LRRC4B: variants seen among roughly 807,000 people sequenced by gnomAD.
LRRC4B encodes leucine-rich repeat-containing protein 4B.
Under a neutral mutation model 7.3 loss-of-function variants are expected in LRRC4B, and 1 was observed. That is an observed-to-expected ratio of 0.14 (90% CI 0.05 to 0.65). The LOEUF is 0.65. Ranked by LOEUF, LRRC4B falls within the 30% of genes least tolerant of loss-of-function variation. The pLI is 0.84. For synonymous variants in LRRC4B, 500 were observed against 499.2 expected (o/e 1.00, Z -0.02); for missense variants, 730 against 1,041.6 (o/e 0.70, Z 4.12).
Position 50,517,646 on chromosome 19 carries a change from A to G in LRRC4B, c.2067T>C (p.Pro689=), listed in dbSNP as rs61751956. 0.35 allele frequency: 531,491 copies of G among 1,500,178 alleles called. 97,361 individuals are homozygous for G. The highest frequency in any genetic ancestry group is 0.38 in the Non-Finnish European group (428,964 of 1,128,124). The allele number at this position is 1,500,178 out of a possible 1,614,324, so 92.9% of individuals were successfully genotyped here. The change falls in exon 3 of 3, where the codon CCT becomes CCC. Residue 689 remains proline, a synonymous_variant. Transcript: ENST00000652263. This position sits in a 1 kb window ranked among gnomAD's most constrained non-coding sequence, Gnocchi z 6.6. ...GAGGTTCGTGGATGGAGTTGAGGCC[A>G]GGCGGGCCTTTGCCCCCGCAGCCCC... ...SGGGCGGKGP[P]GLNSIHEPLL...
At position 50,555,717 on chromosome 19, in the gene LRRC4B, C is replaced by G. The variant is rs978943987; in HGVS notation, c.-35-6844G>C. On this transcript the variant is annotated intron_variant, in intron 1 of 2. Transcript: ENST00000652263. The surrounding 1 kb of genome is among the most constrained non-coding windows in gnomAD (Gnocchi z 5.2). ...CGGAAACTCGGGGACCCAGGAGAGG[C>G]GGGGTGAGGAGAAATGGGAGGCAGG... is the stretch of plus-strand genomic sequence containing the variant. 1 of 150,332 alleles carries G rather than the reference C, an allele frequency of 6.7e-6. No individual in the cohort carries two copies. The highest frequency in any genetic ancestry group is 6.6e-5 in the Admixed American group (1 of 15,060). 9.3% of individuals were successfully genotyped at this position (150,332 alleles called of 1,614,324 possible). A position where few individuals can be genotyped will look rare whatever the true frequency, so the allele number is the denominator to read the frequency against.
chr19:50,548,459 G>A lies in LRRC4B; in HGVS notation c.297+83C>T. On this transcript the variant is annotated intron_variant, in intron 2 of 2. Transcript: ENST00000652263. This position sits in a 1 kb window ranked among gnomAD's most constrained non-coding sequence, Gnocchi z 6.8. ...GGAGACGGGGAAGCCCCGGTGTGGG[G>A]AGGCCCAGAAGGGATGGGCTACATC... 2 of 1,513,002 alleles carry A rather than the reference G, an allele frequency of 1.3e-6. No individual in the cohort carries two copies. Among genetic ancestry groups the A allele is most frequent in the Non-Finnish European group, 1.8e-6 (2 of 1,129,024 alleles). The allele number at this position is 1,513,002 out of a possible 1,614,324, so 93.7% of individuals were successfully genotyped here.
chr19:50,559,521 A>C (rs111528327), intron 1 of LRRC4B, among the ~76,000 whole-genome samples: 1 of 152,346 alleles, frequency 6.6e-6, no homozygotes, highest in Non-Finnish European at 1.5e-5. Flanking sequence ...CCCTGAACTG[A>C]ATTCACCCCA....
chr19:50,520,226 AAAAAAAAAAAAAAAAAAAAAAGAAG>A lies in LRRC4B; in HGVS notation c.298-836_298-812del, dbSNP rs1568715974. The stretch of plus-strand genomic sequence containing the variant: ...GTCAAAAAAAAAAAAAAAAAAAAAA[AAAAAAAAAAAAAAAAAAAAAAGAAG>A]AAAAGAAAAGAAAAATGAACAAACA... On this transcript the variant is annotated intron_variant, in intron 2 of 2. Transcript: ENST00000652263. 2.1e-3 allele frequency among the ~76,000 whole-genome samples: 145 copies of A among 69,324 alleles called. 27 individuals are homozygous for A. The highest frequency in any genetic ancestry group is 0.013 in the Admixed American group (69 of 5,452). 45.5% of individuals were successfully genotyped at this position (69,324 alleles called of 152,430 possible).
intron 2 of LRRC4B, among the ~76,000 whole-genome samples, chr19:50,546,744 C>A (rs576611444): frequency 6.6e-6 from 1 of 152,272 alleles, no homozygotes; most frequent in East Asian, 1.9e-4. Flanking sequence ...CCCCCTCGCC[C>A]CCCCACAAAG....
Position 50,548,105 on chromosome 19 carries a change from A to G in LRRC4B, c.297+437T>C, listed in dbSNP as rs912729811. ...GCAACACCTCAACGCAGGGGCTTGCATTGTCCCCGCTTTTCAGATGAAGAA... is the reference window on the plus strand; with the variant it reads ...GCAACACCTCAACGCAGGGGCTTGCGTTGTCCCCGCTTTTCAGATGAAGAA... On this transcript the variant is annotated intron_variant, in intron 2 of 2. Coordinates refer to ENST00000652263, the MANE Select transcript of LRRC4B (RefSeq NM_001080457.2). The surrounding 1 kb of genome is among the most constrained non-coding windows in gnomAD (Gnocchi z 6.8). Among the ~76,000 whole-genome samples, 5 of 152,170 alleles carry G rather than the reference A, an allele frequency of 3.3e-5. No homozygotes were observed. Among genetic ancestry groups the G allele is most frequent in the African/African-American group, 1.2e-4 (5 of 41,456 alleles).
At position 50,518,188 on chromosome 19, in the gene LRRC4B, T is replaced by C. The variant is rs1367517655; in HGVS notation, c.1525A>G (p.Thr509Ala). The change falls in exon 3 of 3, where the codon ACG becomes GCG. Residue 509 changes from threonine to alanine, a missense_variant. Thr to Ala is a moderately conservative substitution (Grantham distance 58). This residue lies in a region of LRRC4B where 192 missense variants were observed against 228.6 expected (regional missense o/e 0.84). Coordinates refer to ENST00000652263, the MANE Select transcript of LRRC4B (RefSeq NM_001080457.2). The stretch of plus-strand genomic sequence containing the variant: ...GTGGGCCCTGGCGGTTCCTTCTCCG[T>C]CCCCCGCGGCTGCAGGGCCTCCTCT... ...PGEEALQPRG[T>A]EKEPPGPTTD... 2 of 1,607,508 alleles carry C rather than the reference T, an allele frequency of 1.2e-6. No homozygotes were observed. Among genetic ancestry groups the C allele is most frequent in the Non-Finnish European group, 8.5e-7 (1 of 1,178,594 alleles).
intron 2 of LRRC4B, among the ~76,000 whole-genome samples, chr19:50,541,710 T>C (rs1487128939): frequency 6.6e-6 from 1 of 152,226 alleles, no homozygotes; most frequent in African/African-American, 2.4e-5. Flanking sequence ...CTAAAAGCCT[T>C]GGGTGGATTC....
chr19:50,541,677 C>T (rs1457675250), intron 2 of LRRC4B, among the ~76,000 whole-genome samples: 1 of 152,204 alleles, frequency 6.6e-6, no homozygotes, highest in Non-Finnish European at 1.5e-5. Flanking sequence ...TAGCCGGCCC[C>T]AGGAGGGACC....
At position 50,534,602 on chromosome 19, in the gene LRRC4B, T is replaced by G. The variant is rs984050889; in HGVS notation, c.297+13940A>C. 6.6e-5 allele frequency among the ~76,000 whole-genome samples: 10 copies of G among 152,198 alleles called. No homozygotes were observed. The East Asian group carries it at 7.7e-4, about 12-fold the overall frequency. On this transcript the variant is annotated intron_variant, in intron 2 of 2. Coordinates refer to ENST00000652263, the MANE Select transcript of LRRC4B (RefSeq NM_001080457.2). ...CTGGGACAGATCTCAATGATGCAGA[T>G]GTGAATCCGGCAAAGGGACGTGGCC...
intron 2 of LRRC4B, among the ~76,000 whole-genome samples, chr19:50,523,949 A>T (rs1980691960): frequency 6.7e-6 from 1 of 150,140 alleles, no homozygotes; most frequent in Admixed American, 6.7e-5. Flanking sequence ...ACAGAGTGAG[A>T]CTCTGTCTAA....
Position 50,563,094 on chromosome 19 carries a change from C to G in LRRC4B, c.-36+4850G>C, listed in dbSNP as rs1022263155. On this transcript the variant is annotated intron_variant, in intron 1 of 2. Transcript: ENST00000652263. This position sits in a 1 kb window ranked among gnomAD's most constrained non-coding sequence, Gnocchi z 4.9. Reference sequence around the variant, plus strand: ...GATCCCAGATACTACCAGACACCCCCCATTCTCACTCTCAGCAGCCCTCCT... The same window carrying G: ...GATCCCAGATACTACCAGACACCCCGCATTCTCACTCTCAGCAGCCCTCCT... 6.6e-6 allele frequency among the ~76,000 whole-genome samples: 1 copy of G among 152,114 alleles called. No homozygotes were observed. The highest frequency in any genetic ancestry group is 2.4e-5 in the African/African-American group (1 of 41,430).
chr19:50,543,761 G>A (rs1316683563), intron 2 of LRRC4B, among the ~76,000 whole-genome samples: 1 of 146,812 alleles, frequency 6.8e-6, no homozygotes, highest in Non-Finnish European at 1.5e-5. Flanking sequence ...GCTAAGGCAG[G>A]AGAATCTCCT....
intron 2 of LRRC4B, among the ~76,000 whole-genome samples, chr19:50,527,694 CTCTCTG>C (rs1426427804): frequency 2.6e-5 from 4 of 151,380 alleles, no homozygotes; most frequent in Non-Finnish European, 5.9e-5. Context: ...TTTCTCCTTT[CTCTCTG>C]TCTCTTTCCC....
chr19:50,553,989 A>G lies in LRRC4B; in HGVS notation c.-35-5116T>C, dbSNP rs950034786. The stretch of plus-strand genomic sequence containing the variant: ...CAGGAGGCCTGCTGGCAGAGGCAGC[A>G]CCTTTTTTTTTTTTTTTTTTTTGAG... On this transcript the variant is annotated intron_variant, in intron 1 of 2. Coordinates refer to ENST00000652263, the MANE Select transcript of LRRC4B (RefSeq NM_001080457.2). The surrounding 1 kb of genome is among the most constrained non-coding windows in gnomAD (Gnocchi z 4.2). 1.9e-5 allele frequency among the ~76,000 whole-genome samples: 2 copies of G among 102,718 alleles called. No individual in the cohort carries two copies. Among genetic ancestry groups the G allele is most frequent in the African/African-American group, 7.4e-5 (2 of 27,144 alleles). 67.4% of individuals were successfully genotyped at this position (102,718 alleles called of 152,430 possible).
At chr19:50,551,383 G>A (rs1982055642) in intron 1 of LRRC4B, among the ~76,000 whole-genome samples, 2 of 151,320 alleles carry the variant, frequency 1.3e-5, no homozygotes, top group Non-Finnish European at 3.0e-5. Flanking sequence ...ACCCCTGGGG[G>A]GGGCTGTCCT....
At chr19:50,559,691 G>A (rs1274458785) in intron 1 of LRRC4B, among the ~76,000 whole-genome samples, 1 of 152,246 alleles carries the variant, frequency 6.6e-6, no homozygotes, top group African/African-American at 2.4e-5. Flanking sequence ...ACGCTGATCC[G>A]ATCTGTTTTC....
Position 50,552,679 on chromosome 19 carries a change from T to TCCAC in LRRC4B, c.-35-3807_-35-3806insGTGG, listed in dbSNP as rs1380177642. Reference sequence around the variant, plus strand: ...ATCCATCCATCCATCCATCCATCCATCCATCCATCCGTCCATCCATCCGCC... The same window carrying TCCAC: ...ATCCATCCATCCATCCATCCATCCATCCACCCATCCATCCGTCCATCCATCCGCC... On this transcript the variant is annotated intron_variant, in intron 1 of 2. Coordinates refer to ENST00000652263, the MANE Select transcript of LRRC4B (RefSeq NM_001080457.2). Among the ~76,000 whole-genome samples, 56 of 144,596 alleles carry TCCAC rather than the reference T, an allele frequency of 3.9e-4. 3 individuals are homozygous for TCCAC. Among genetic ancestry groups the TCCAC allele is most frequent in the Admixed American group, 1.3e-3 (18 of 14,230 alleles). 94.9% of individuals were successfully genotyped at this position (144,596 alleles called of 152,430 possible). A position where few individuals can be genotyped will look rare whatever the true frequency, so the allele number is the denominator to read the frequency against.
At chr19:50,567,563 G>A (rs1982671462) in intron 1 of LRRC4B, among the ~76,000 whole-genome samples, 1 of 150,914 alleles carries the variant, frequency 6.6e-6, no homozygotes. Flanking sequence ...ATGGGGAGAG[G>A]AAGAACCTGG....
Sources: allele counts gnomAD v4.1 joint callset (sites outside exome capture counted in the v4.1 genomes callset), GRCh38; gene constraint gnomAD v4.1.1; regional missense constraint gnomAD v4.1.1; non-coding constraint Gnocchi (gnomAD v3.1); transcripts MANE v1.5; gene names NCBI Gene and HGNC (gene_info 2026-07-23, HGNC 2026-07-21).